The following PTAR1 variants were observed in gnomAD, a reference collection of about 807,000 sequenced individuals.
The protein encoded by PTAR1 is protein prenyltransferase alpha subunit repeat containing 1, also known as protein prenyltransferase alpha subunit repeat-containing protein 1.
Under a neutral mutation model 45.5 loss-of-function variants are expected in PTAR1, and 17 were observed. That is an observed-to-expected ratio of 0.37 (90% CI 0.26 to 0.56). The LOEUF is 0.56. PTAR1 is among the 20% of genes least tolerant of loss of function. The pLI is 0.77. For synonymous variants in PTAR1, 169 were observed against 171.3 expected, an observed-to-expected ratio of 0.99 and a Z score of 0.11; for missense variants, 391 against 476.3, an observed-to-expected ratio of 0.82 and a Z score of 1.67.
chr9:69,713,191 C>G lies in PTAR1; in HGVS notation c.*5151G>C, dbSNP rs879675951. 20 of 152,064 alleles carry G rather than the reference C, an allele frequency of 1.3e-4. No individual in the cohort carries two copies. Among genetic ancestry groups the G allele is most frequent in the Middle Eastern group, 3.4e-3 (1 of 294 alleles). 9.4% of individuals were successfully genotyped at this position (152,064 alleles called of 1,614,324 possible). ...TTTCATCAGCAGACTAAACTACTGC[C>G]CTGTATTGTTCTTAGCAAAGAGTTT... On this transcript the variant is annotated 3_prime_UTR_variant, in exon 8 of 8. Coordinates refer to ENST00000340434, the MANE Select transcript of PTAR1 (RefSeq NM_001099666.2).
At chr9:69,728,386 T>C (rs1488412627) in intron 5 of PTAR1, among the ~76,000 whole-genome samples, 3 of 152,186 alleles carry the variant, frequency 2.0e-5, no homozygotes, top group African/African-American at 7.2e-5. Flanking sequence ...ATATAGTGAT[T>C]CTATGTTTAA....
intron 2 of PTAR1, among the ~76,000 whole-genome samples, chr9:69,749,581 T>C (rs1201504193): frequency 6.6e-6 from 1 of 152,008 alleles, no homozygotes; most frequent in Non-Finnish European, 1.5e-5. Flanking sequence ...AGAAAATATA[T>C]AACAAAGGAC....
Position 69,713,506 on chromosome 9 carries a change from C to A in PTAR1, c.*4836G>T, listed in dbSNP as rs1478121540. On this transcript the variant is annotated 3_prime_UTR_variant, in exon 8 of 8. Coordinates refer to ENST00000340434, the MANE Select transcript of PTAR1 (RefSeq NM_001099666.2). Reference sequence around the variant, plus strand: ...AGATAAAATGATACATTTAAAATTTCATCTACGCATTTACTTCTTTTCCTC... The same window carrying A: ...AGATAAAATGATACATTTAAAATTTAATCTACGCATTTACTTCTTTTCCTC... The A allele has an allele frequency of 6.6e-6, 1 of 152,148 alleles. No individual in the cohort carries two copies. The highest frequency in any genetic ancestry group is 1.9e-4 in the East Asian group (1 of 5,200). The allele number at this position is 152,148 out of a possible 1,614,324, so 9.4% of individuals were successfully genotyped here. A position where few individuals can be genotyped will look rare whatever the true frequency, so the allele number is the denominator to read the frequency against.
chr9:69,744,451 T>C (rs1318784917), intron 2 of PTAR1, among the ~76,000 whole-genome samples: 1 of 151,650 alleles, frequency 6.6e-6, no homozygotes, highest in African/African-American at 2.4e-5. Flanking sequence ...AGTGGTACAA[T>C]CTTGGCTCAC....
At chr9:69,755,607 A>G (rs1162283224) in intron 1 of PTAR1, among the ~76,000 whole-genome samples, 5 of 152,128 alleles carry the variant, frequency 3.3e-5, no homozygotes, top group Admixed American at 2.6e-4. Flanking sequence ...AACATTTTAA[A>G]TCTAAATAGT....
At chr9:69,722,426 T>C (rs769143210) in intron 6 of PTAR1, among the ~76,000 whole-genome samples, 6 of 152,182 alleles carry the variant, frequency 3.9e-5, no homozygotes, top group Non-Finnish European at 8.8e-5. Context: ...AGTTGATAGG[T>C]TGCTAACCCT....
chr9:69,723,836 AT>A (rs375334329), intron 5 of PTAR1, among the ~76,000 whole-genome samples: 2 of 151,728 alleles, frequency 1.3e-5, no homozygotes, highest in South Asian at 2.1e-4. Flanking sequence ...AAAGTGATAG[AT>A]TTTTTTTTAA....
chr9:69,740,076 C>T lies in PTAR1; in HGVS notation c.323+1716G>A, dbSNP rs56399720. ...ATTAAAAGTTATACTCAAAGTCAGC[C>T]GCTAGTTAACTTATGAAACAGGACT... On this transcript the variant is annotated intron_variant, in intron 3 of 7. Transcript: ENST00000340434. Among the ~76,000 whole-genome samples the T allele has an allele frequency of 6.5e-3, 991 of 152,122 alleles. 8 individuals are homozygous for T. The highest frequency in any genetic ancestry group is 0.023 in the African/African-American group (952 of 41,516).
intron 5 of PTAR1, among the ~76,000 whole-genome samples, chr9:69,730,773 G>A (rs1448196202): frequency 6.6e-6 from 1 of 151,838 alleles, no homozygotes; most frequent in Non-Finnish European, 1.5e-5. Context: ...GGGTATGATA[G>A]GGTTTTATAC....
intron 6 of PTAR1, among the ~76,000 whole-genome samples, chr9:69,721,414 G>T (rs1420282540): frequency 6.6e-6 from 1 of 152,140 alleles, no homozygotes; most frequent in African/African-American, 2.4e-5. Context: ...ACAAAAAAAA[G>T]TGGTTTCCTG....
intron 4 of PTAR1, among the ~76,000 whole-genome samples, chr9:69,733,861 G>C (rs1248376302): frequency 6.6e-6 from 1 of 152,130 alleles, no homozygotes; most frequent in African/African-American, 2.4e-5. Context: ...CAGGCACTGT[G>C]GGAGTGTTAC....
chr9:69,757,046 G>A (rs1001513316), intron 1 of PTAR1: 1 of 152,292 alleles, frequency 6.6e-6, no homozygotes, highest in African/African-American at 2.4e-5. Flanking sequence ...AGAAATTTCT[G>A]TTAGTGCCTT....
chr9:69,725,712 A>C (rs1378124300), intron 5 of PTAR1, among the ~76,000 whole-genome samples: 2 of 152,074 alleles, frequency 1.3e-5, no homozygotes, highest in African/African-American at 2.4e-5. Flanking sequence ...GCATATTAGA[A>C]ACTTTAACTG....
chr9:69,744,750 CA>C (rs1156827296), intron 2 of PTAR1, among the ~76,000 whole-genome samples: 1 of 152,108 alleles, frequency 6.6e-6, no homozygotes, highest in Non-Finnish European at 1.5e-5. Context: ...AACTGGACCA[CA>C]AATTTTTTGC....
At chr9:69,758,664 C>G (rs1826913753) in intron 1 of PTAR1, 1 of 398,760 alleles carries the variant, frequency 2.5e-6, no homozygotes, top group East Asian at 7.7e-5. Context: ...CACAAGGGAG[C>G]AAAACATCCA....
intron 3 of PTAR1, 27 bp downstream of exon 3, chr9:69,741,765 A>G (rs372564250): frequency 1.4e-5 from 21 of 1,512,906 alleles, no homozygotes; most frequent in Non-Finnish European, 1.9e-5. Context: ...GACAAACTTT[A>G]TCATATCACT....
At chr9:69,731,159 G>A (rs10867987) in intron 5 of PTAR1, among the ~76,000 whole-genome samples, 43,364 of 151,958 alleles carry the variant, frequency 0.29, 7,639 homozygotes, top group Admixed American at 0.4. Flanking sequence ...AAATCCTCTG[G>A]AAGTAAAAAG....
In PTAR1 at chr9:69,727,026, T is replaced by C. The variant is rs572637160; in HGVS notation, c.643-3396A>G. Among the ~76,000 whole-genome samples, 465 of 147,202 alleles carry C rather than the reference T, an allele frequency of 3.2e-3. 3 individuals are homozygous for C. The highest frequency in any genetic ancestry group is 5.7e-3 in the African/African-American group (226 of 39,564). ...AAATGACAAATTAAAATTGTGTATA[T>C]ACACACACACACACACACACACACA... On this transcript the variant is annotated intron_variant, in intron 5 of 7. Coordinates refer to ENST00000340434, the MANE Select transcript of PTAR1 (RefSeq NM_001099666.2).
chr9:69,734,394 G>C (rs1036083927), intron 3 of PTAR1, 140 bp from the exon 4 acceptor site: 25 of 434,636 alleles, frequency 5.8e-5, no homozygotes, highest in African/African-American at 6.1e-5. Flanking sequence ...AAGAAAAAAA[G>C]CCCAAGCCAC....
Sources: gnomAD v4.1 joint callset for allele counts (sites outside exome capture counted in the v4.1 genomes callset) on GRCh38, gnomAD v4.1.1 for gene constraint, MANE v1.5 for transcripts, NCBI Gene and HGNC (gene_info 2026-07-23, HGNC 2026-07-21) for gene names.